Variants in H3-5 observed in about 807,000 individuals in gnomAD.
H3-5 encodes histone H3.3C.
H3-5 carries 9 observed loss-of-function variants against 8.8 expected under a neutral mutation model. That is an observed-to-expected ratio of 1.03 (90% confidence interval 0.62 to 1.79). The LOEUF is 1.79. Ranked by LOEUF, H3-5 falls within the 40% of genes most tolerant of loss-of-function variation. H3-5 has a pLI of 0.00. For missense variants in H3-5, 173 were observed against 183.8 expected (o/e 0.94, Z 0.34); for synonymous variants, 82 against 76.1 (o/e 1.08, Z -0.40).
rs777292400 is a variant in H3-5, at chr12:31,791,959, A to G, written c.208T>C (p.Leu70=). 9.9e-6 allele frequency: 16 copies of G among 1,613,840 alleles called. No homozygotes were observed. The highest frequency in any genetic ancestry group is 2.7e-5 in the African/African-American group (2 of 74,826). The change falls in exon 1 of 1, where the codon TTG becomes CTG. Residue 70 remains leucine, a synonymous_variant. Coordinates refer to ENST00000340398, the MANE Select transcript of H3-5 (RefSeq NM_001013699.3). The stretch of plus-strand genomic sequence containing the variant: ...AAATCCTGCGCGATCTCCCTCACCA[A>G]CCTCTGGAAGGGCAGCTTCCGGATG... ...LLIRKLPFQR[L]VREIAQDFNT... is the part of the protein sequence containing the mutation.
At position 31,791,513 on chromosome 12, in the gene H3-5, C is replaced by CTGGT; in HGVS notation, c.*245_*246insACCA. On this transcript the variant is annotated 3_prime_UTR_variant, in exon 1 of 1. Coordinates refer to ENST00000340398, the MANE Select transcript of H3-5 (RefSeq NM_001013699.3). ...CCAACAAGTCATTAACATACAGAAA[C>CTGGT]ATGCATCATGAGAAGCAAGAAATAT... is the stretch of plus-strand genomic sequence containing the variant. The CTGGT allele has an allele frequency of 1.8e-6, 1 of 570,224 alleles. No individual in the cohort carries two copies. The highest frequency in any genetic ancestry group is 3.1e-6 in the Non-Finnish European group (1 of 321,556). 35.3% of individuals were successfully genotyped at this position (570,224 alleles called of 1,614,324 possible). A position where few individuals can be genotyped will look rare whatever the true frequency, so the allele number is the denominator to read the frequency against.
At position 31,791,900 on chromosome 12, in the gene H3-5, G is replaced by A. The variant is rs757979062; in HGVS notation, c.267C>T (p.Val89=). 5 of 1,614,182 alleles carry A rather than the reference G, an allele frequency of 3.1e-6. No homozygotes were observed. The highest frequency in any genetic ancestry group is 3.3e-5 in the Admixed American group (2 of 60,020). The change falls in exon 1 of 1, where the codon GTC becomes GTT. Residue 89 remains valine, a synonymous_variant. Coordinates refer to ENST00000340398, the MANE Select transcript of H3-5 (RefSeq NM_001013699.3). Reference sequence around the variant, plus strand: ...CTTCGCTAGCCTCCTGCAGCGCACCGACGGCTGCGCTCTGAAACCTCAGGT... The same window carrying A: ...CTTCGCTAGCCTCCTGCAGCGCACCAACGGCTGCGCTCTGAAACCTCAGGT... ...NTDLRFQSAA[V]GALQEASEAY...
Position 31,791,714 on chromosome 12 carries a change from T to C in H3-5, c.*45A>G, listed in dbSNP as rs368780178. 9.4e-6 allele frequency: 15 copies of C among 1,591,956 alleles called. No individual in the cohort carries two copies. Among genetic ancestry groups the C allele is most frequent in the Non-Finnish European group, 1.2e-5 (14 of 1,168,826 alleles). On this transcript the variant is annotated 3_prime_UTR_variant, in exon 1 of 1. Transcript: ENST00000340398. ...AAAAAAGTCACCAATTAAACCAAAG[T>C]ATTTTACAGAATTTACTACAAAATG...
Position 31,792,112 on chromosome 12 carries a change from T to G in H3-5, c.55A>C (p.Lys19Gln). Residue 19 changes from lysine (K) to glutamine (Q), a missense_variant, in exon 1 of 1, where the codon AAA becomes CAA. Lys to Gln is a moderately conservative substitution (Grantham distance 53, BLOSUM62 1). Coordinates refer to ENST00000340398, the MANE Select transcript of H3-5 (RefSeq NM_001013699.3). ...RKSTGGKAPR[K>Q]QLATKAARKS... ...CTGGCAGCTTTCGTGGCCAGCTGTT[T>G]GCGGGGGGCTTTCCCACCGGTGGAT... 6.2e-7 allele frequency: 1 copy of G among 1,614,170 alleles called. No individual in the cohort carries two copies. The highest frequency in any genetic ancestry group is 1.1e-5 in the South Asian group (1 of 91,088).
Position 31,792,169 on chromosome 12 carries a change from T to G in H3-5, c.-3A>C, listed in dbSNP as rs749177981. 6.2e-6 allele frequency: 10 copies of G among 1,610,154 alleles called. No homozygotes were observed. The South Asian group carries it at 1.1e-4, about 18-fold the overall frequency. ...GCAGTCTGCTTGGTTCGGGCCATTT[T>G]CTTTCACCCAACGCCGAAGTTTTAG... On this transcript the variant is annotated 5_prime_UTR_variant, in exon 1 of 1. Transcript: ENST00000340398.
rs1258871186 is a variant in H3-5 at position 31,792,231 on chromosome 12, G to A, written c.-65C>T. The A allele has an allele frequency of 1.0e-5, 16 of 1,556,898 alleles. No individual in the cohort carries two copies. Among genetic ancestry groups the A allele is most frequent in the Non-Finnish European group, 1.2e-5 (14 of 1,149,952 alleles). Reference sequence around the variant, plus strand: ...GACCTCCGCGCTGCTTCCGCTGCCCGAGGAAGAGCCGCAGTCGCGAGCGAA... The same window carrying A: ...GACCTCCGCGCTGCTTCCGCTGCCCAAGGAAGAGCCGCAGTCGCGAGCGAA... On this transcript the variant is annotated 5_prime_UTR_variant, in exon 1 of 1. Transcript: ENST00000340398.
chr12:31,791,752 C>T lies in H3-5; in HGVS notation c.*7G>A, dbSNP rs780015655. ...TTACTACAAAATGCCATAAAAACTG[C>T]CTTCACTTAAGCTCTCTCTCCCCGT... On this transcript the variant is annotated 3_prime_UTR_variant, in exon 1 of 1. Coordinates refer to ENST00000340398, the MANE Select transcript of H3-5 (RefSeq NM_001013699.3). The T allele has an allele frequency of 5.0e-6, 8 of 1,611,626 alleles. No individual in the cohort carries two copies. Among genetic ancestry groups the T allele is most frequent in the Non-Finnish European group, 5.9e-6 (7 of 1,178,962 alleles).
At position 31,792,135 on chromosome 12, in the gene H3-5, G is replaced by A. The variant is rs371692293; in HGVS notation, c.32C>T (p.Ser11Phe). The A allele has an allele frequency of 8.7e-6, 14 of 1,613,966 alleles. No individual in the cohort carries two copies. In the African/African-American group the frequency reaches 1.6e-4, roughly 18 times the overall value. MARTKQTARK[S>F]TGGKAPRKQL... ...TTTGCGGGGGGCTTTCCCACCGGTG[G>A]ATTTACGAGCAGTCTGCTTGGTTCG... Residue 11 changes from serine (S) to phenylalanine (F), a missense_variant, in exon 1 of 1, where the codon TCC becomes TTC. Ser to Phe is a radical substitution (Grantham distance 155, BLOSUM62 -2). Transcript: ENST00000340398.
Position 31,792,069 on chromosome 12 carries a change from G to A in H3-5, c.98C>T (p.Thr33Ile), listed in dbSNP as rs748316932. 2 of 1,614,204 alleles carry A rather than the reference G, an allele frequency of 1.2e-6. No individual in the cohort carries two copies. Among genetic ancestry groups the A allele is most frequent in the Admixed American group, 1.7e-5 (1 of 60,022 alleles). ...TKAARKSTPS[T>I]CGVKPHRYRP... ...GTAGCGATGAGGCTTCACCCCGCAG[G>A]TAGAGGGGGTGCTTTTCCTGGCAGC... The change falls in exon 1 of 1, where the codon ACC (threonine) becomes ATC (isoleucine). Residue 33 changes from threonine (T) to isoleucine (I), a missense_variant. By Grantham distance (89) the Thr-to-Ile change is moderately conservative. Transcript: ENST00000340398.
At position 31,791,593 on chromosome 12, in the gene H3-5, A is replaced by T; in HGVS notation, c.*166T>A. 1 of 819,234 alleles carries T rather than the reference A, an allele frequency of 1.2e-6. No homozygotes were observed. Among genetic ancestry groups the T allele is most frequent in the Non-Finnish European group, 1.9e-6 (1 of 522,578 alleles). 50.7% of individuals were successfully genotyped at this position (819,234 alleles called of 1,614,324 possible). A position where few individuals can be genotyped will look rare whatever the true frequency, so the allele number is the denominator to read the frequency against. ...GTCACTCCTGAGCAACAGTGCTGAC[A>T]TCACTGAGGTCTGTAAACAGTCACT... On this transcript the variant is annotated 3_prime_UTR_variant, in exon 1 of 1. Transcript: ENST00000340398.
rs376399688 is a variant in H3-5 at position 31,792,138 on chromosome 12, T to A, written c.29A>T (p.Lys10Ile). 1 of 1,614,014 alleles carries A rather than the reference T, an allele frequency of 6.2e-7. No homozygotes were observed. The highest frequency in any genetic ancestry group is 1.1e-5 in the South Asian group (1 of 91,078). Reference sequence around the variant, plus strand: ...GCGGGGGGCTTTCCCACCGGTGGATTTACGAGCAGTCTGCTTGGTTCGGGC... The same window carrying A: ...GCGGGGGGCTTTCCCACCGGTGGATATACGAGCAGTCTGCTTGGTTCGGGC... Reference protein sequence around the residue: MARTKQTARKSTGGKAPRKQ... With the variant: MARTKQTARISTGGKAPRKQ... The change falls in exon 1 of 1, where the codon AAA becomes ATA. Residue 10 changes from lysine (K) to isoleucine (I), a missense_variant. By Grantham distance (102) the Lys-to-Ile change is moderately radical (BLOSUM62 -3). Transcript: ENST00000340398.
Position 31,792,248 on chromosome 12 carries a change from G to A in H3-5, c.-82C>T, listed in dbSNP as rs907515787. On this transcript the variant is annotated 5_prime_UTR_variant, in exon 1 of 1. Coordinates refer to ENST00000340398, the MANE Select transcript of H3-5 (RefSeq NM_001013699.3). ...CGCTGCCCGAGGAAGAGCCGCAGTC[G>A]CGAGCGAAGAACCGACACTGGTCCA... 5.6e-5 allele frequency: 86 copies of A among 1,529,452 alleles called. 3 individuals are homozygous for A. In the South Asian group the frequency reaches 1.1e-3, roughly 19 times the overall value. The allele number at this position is 1,529,452 out of a possible 1,614,324, so 94.7% of individuals were successfully genotyped here. A position where few individuals can be genotyped will look rare whatever the true frequency, so the allele number is the denominator to read the frequency against.
chr12:31,791,889 T>G lies in H3-5; in HGVS notation c.278A>C (p.Gln93Pro). ...CACCAGGTACGCTTCGCTAGCCTCC[T>G]GCAGCGCACCGACGGCTGCGCTCTG... ...RFQSAAVGALQEASEAYLVGL... is the reference protein window; with the variant it reads ...RFQSAAVGALPEASEAYLVGL... Residue 93 changes from glutamine (Q) to proline (P), a missense_variant, in exon 1 of 1, where the codon CAG becomes CCG. Transcript: ENST00000340398. 1.2e-6 allele frequency: 2 copies of G among 1,614,204 alleles called. No homozygotes were observed. Among genetic ancestry groups the G allele is most frequent in the Non-Finnish European group, 1.7e-6 (2 of 1,180,028 alleles).
At position 31,791,887 on chromosome 12, in the gene H3-5, C is replaced by A; in HGVS notation, c.280G>T (p.Glu94Ter). The A allele has an allele frequency of 1.2e-6, 2 of 1,614,210 alleles. No homozygotes were observed. Among genetic ancestry groups the A allele is most frequent in the Middle Eastern group, 1.6e-4 (1 of 6,062 alleles). Residue 94 changes from glutamate to a stop codon, truncating the protein, a stop_gained, in exon 1 of 1, where the codon GAG (glutamate) becomes TAG (stop). Coordinates refer to ENST00000340398, the MANE Select transcript of H3-5 (RefSeq NM_001013699.3). LOFTEE classifies it high-confidence loss of function. ...FQSAAVGALQ[E>*]ASEAYLVGLL... ...CCCACCAGGTACGCTTCGCTAGCCT[C>A]CTGCAGCGCACCGACGGCTGCGCTC...
rs567948186 is a variant in H3-5, at chr12:31,792,141, C to T, written c.26G>A (p.Arg9His). The T allele has an allele frequency of 2.0e-4, 321 of 1,613,980 alleles. 2 individuals carry two copies. In the South Asian group the frequency reaches 3.3e-3, roughly 17 times the overall value. Residue 9 changes from arginine to histidine, a missense_variant, in exon 1 of 1, where the codon CGT becomes CAT. Physicochemically the swap from Arg to His is conservative, Grantham distance 29. Coordinates refer to ENST00000340398, the MANE Select transcript of H3-5 (RefSeq NM_001013699.3). ...GGGGGCTTTCCCACCGGTGGATTTA[C>T]GAGCAGTCTGCTTGGTTCGGGCCAT... The part of the protein sequence containing the change: MARTKQTA[R>H]KSTGGKAPRK...
rs138634363 is a variant in H3-5 at position 31,791,642 on chromosome 12, G to A, written c.*117C>T. ...CTTTTCGCATTCATCCTGAGTGAAA[G>A]ATGGAATGACTTAAGTACAAATGCA... is the stretch of plus-strand genomic sequence containing the variant. On this transcript the variant is annotated 3_prime_UTR_variant, in exon 1 of 1. Transcript: ENST00000340398. The A allele has an allele frequency of 1.0e-3, 1,322 of 1,319,300 alleles. 20 individuals carry two copies. In the Admixed American group the frequency reaches 0.016, roughly 16 times the overall value. The allele number at this position is 1,319,300 out of a possible 1,614,324, so 81.7% of individuals were successfully genotyped here.
rs540646834 is a variant in H3-5 at position 31,791,699 on chromosome 12, C to T, written c.*60G>A. ...AAACAATTTCTTACAAAAAAAGTCA[C>T]CAATTAAACCAAAGTATTTTACAGA... On this transcript the variant is annotated 3_prime_UTR_variant, in exon 1 of 1. Transcript: ENST00000340398. The T allele has an allele frequency of 3.8e-6, 6 of 1,566,126 alleles. No homozygotes were observed. Among genetic ancestry groups the T allele is most frequent in the Non-Finnish European group, 5.2e-6 (6 of 1,155,918 alleles).
chr12:31,791,996 C>G lies in H3-5; in HGVS notation c.171G>C (p.Ser57=). Residue 57 remains serine (S), a synonymous_variant, in exon 1 of 1, where the codon TCG becomes TCC. Transcript: ENST00000340398. ...ALREIRRYQK[S]TELLIRKLPF... ...GCAGCTTCCGGATGAGCAGCTCGGT[C>G]GACTTCTGATAACGACGAATCTCTC... 1.2e-6 allele frequency: 2 copies of G among 1,614,142 alleles called. No individual in the cohort carries two copies. Among genetic ancestry groups the G allele is most frequent in the Non-Finnish European group, 1.7e-6 (2 of 1,180,036 alleles).
rs1254061190 is a variant in H3-5 at position 31,792,086 on chromosome 12, C to T, written c.81G>A (p.Arg27=). 1 of 1,614,046 alleles carries T rather than the reference C, an allele frequency of 6.2e-7. No individual in the cohort carries two copies. Among genetic ancestry groups the T allele is most frequent in the African/African-American group, 1.3e-5 (1 of 74,912 alleles). The change falls in exon 1 of 1, where the codon AGG becomes AGA. Residue 27 remains arginine, a synonymous_variant. Transcript: ENST00000340398. ...PRKQLATKAA[R]KSTPSTCGVK... ...CCCCGCAGGTAGAGGGGGTGCTTTTCCTGGCAGCTTTCGTGGCCAGCTGTT... is the reference window on the plus strand; with the variant it reads ...CCCCGCAGGTAGAGGGGGTGCTTTTTCTGGCAGCTTTCGTGGCCAGCTGTT...
Sources: allele counts gnomAD v4.1 joint callset, GRCh38; gene constraint gnomAD v4.1.1; transcripts MANE v1.5; gene names NCBI Gene and HGNC (gene_info 2026-07-23, HGNC 2026-07-21).